The following LRBA variants were observed in gnomAD, a reference collection of about 807,000 sequenced individuals.
The protein encoded by LRBA is lipopolysaccharide-responsive and beige-like anchor protein.
LRBA carries 176 observed loss-of-function variants against 330.0 expected under a neutral mutation model. The observed-to-expected ratio is 0.53, with a 90% CI of 0.47 to 0.60. The LOEUF (loss-of-function observed/expected upper bound fraction) is 0.60. Ranked by LOEUF, LRBA falls within the 20% of genes least tolerant of loss-of-function variation. The probability of loss-of-function intolerance (pLI) is 0.00; values close to 1 mark genes in which losing one functional copy is unlikely to be tolerated. For synonymous variants in LRBA, 1,230 were observed against 1,193.0 expected (o/e 1.03, Z -0.64); for missense variants, 3,259 against 3,444.8 (o/e 0.95, Z 1.35).
intron 17 of LRBA, among the ~76,000 whole-genome samples, chr4:150,885,613 T>C (rs192122545): frequency 1.3e-5 from 2 of 151,780 alleles, no homozygotes; most frequent in Non-Finnish European, 2.9e-5. Flanking sequence ...AGAGGGAGAC[T>C]CTGTCTCAAA....
At chr4:150,929,961 T>C (rs1734290967) in intron 2 of LRBA, among the ~76,000 whole-genome samples, 1 of 152,172 alleles carries the variant, frequency 6.6e-6, no homozygotes, top group South Asian at 2.1e-4. Flanking sequence ...GATTTTTCAT[T>C]ATGCATTTCC....
chr4:150,690,927 CTTTTTTTTTTTTTTTT>C (rs70941427), intron 36 of LRBA, among the ~76,000 whole-genome samples: 4 of 106,328 alleles, frequency 3.8e-5, no homozygotes, highest in Non-Finnish European at 7.9e-5. Flanking sequence ...AACACCTGGT[CTTTTTTTTTTTTTTTT>C]TTTTTAGACA....
chr4:150,788,354 T>C (rs555909702), intron 34 of LRBA, among the ~76,000 whole-genome samples: 1 of 148,538 alleles, frequency 6.7e-6, no homozygotes, highest in African/African-American at 2.5e-5. Context: ...CACCTACTCC[T>C]CCCAAAGTGC....
At chr4:150,669,762 C>T (rs941391672) in intron 37 of LRBA, among the ~76,000 whole-genome samples, 1 of 152,114 alleles carries the variant, frequency 6.6e-6, no homozygotes, top group South Asian at 2.1e-4. Flanking sequence ...TACAGGGTTT[C>T]ACCAAGTTGG....
chr4:150,789,755 A>C lies in LRBA; in HGVS notation c.5580+8326T>G, dbSNP rs531989512. ...ACACTTTTAACCTAGCCTCTCTATA[A>C]TTCCTTAACTTCAGTAGATTGATTA... On this transcript the variant is annotated intron_variant, in intron 34 of 56. Coordinates refer to ENST00000651943, the MANE Select transcript of LRBA (RefSeq NM_001364905.1). 4.6e-5 allele frequency among the ~76,000 whole-genome samples: 7 copies of C among 152,306 alleles called. No homozygotes were observed. The South Asian group carries it at 1.5e-3, about 32-fold the overall frequency.
rs1172203543 is a variant in LRBA, at chr4:150,584,368, G to C, written c.6330+3680C>G. On this transcript the variant is annotated intron_variant, in intron 40 of 56. Coordinates refer to ENST00000651943, the MANE Select transcript of LRBA (RefSeq NM_001364905.1). ...AAGGTCACACAAAAGAAGCAATCGGGCTCCGCCACCACAAAATGAAACCCA... is the reference window on the plus strand; with the variant it reads ...AAGGTCACACAAAAGAAGCAATCGGCCTCCGCCACCACAAAATGAAACCCA... The C allele has an allele frequency of 1.9e-5, 6 of 320,036 alleles. No homozygotes were observed. The Admixed American group carries it at 2.3e-4, about 12-fold the overall frequency. 19.8% of individuals were successfully genotyped at this position (320,036 alleles called of 1,614,324 possible). A position where few individuals can be genotyped will look rare whatever the true frequency, so the allele number is the denominator to read the frequency against.
chr4:150,378,540 A>G (rs1375585491), intron 47 of LRBA, among the ~76,000 whole-genome samples: 1 of 152,238 alleles, frequency 6.6e-6, no homozygotes, highest in Non-Finnish European at 1.5e-5. Context: ...AAGGAAGTCC[A>G]GATACTAAAA....
intron 28 of LRBA, among the ~76,000 whole-genome samples, chr4:150,843,247 T>G (rs944300490): frequency 6.6e-6 from 1 of 151,356 alleles, no homozygotes; most frequent in Non-Finnish European, 1.5e-5. Context: ...ATTCTACATA[T>G]GCATAAAAAC....
intron 37 of LRBA, among the ~76,000 whole-genome samples, chr4:150,663,547 T>C (rs1252855491): frequency 1.3e-5 from 2 of 149,658 alleles, no homozygotes; most frequent in South Asian, 2.1e-4. Flanking sequence ...ACCCCACTTA[T>C]GCTGAAAAAA....
At chr4:150,924,486 T>G (rs1289022865) in intron 4 of LRBA, among the ~76,000 whole-genome samples, 1 of 150,766 alleles carries the variant, frequency 6.6e-6, no homozygotes, top group Non-Finnish European at 1.5e-5. Flanking sequence ...TACTCCAACC[T>G]GGGTAACAGA....
At chr4:150,825,644 T>C (rs960100653) in intron 30 of LRBA, among the ~76,000 whole-genome samples, 1 of 152,114 alleles carries the variant, frequency 6.6e-6, no homozygotes, top group East Asian at 1.9e-4. Flanking sequence ...ACTGGGAAGT[T>C]TGTCTCTCCA....
intron 22 of LRBA, among the ~76,000 whole-genome samples, chr4:150,857,482 A>G (rs1348214511): frequency 6.6e-6 from 1 of 152,182 alleles, no homozygotes; most frequent in Non-Finnish European, 1.5e-5. Flanking sequence ...AAAACAGTCT[A>G]AACAGATGCT....
chr4:150,461,426 G>A (rs1561210756), intron 44 of LRBA, among the ~76,000 whole-genome samples: 2 of 151,566 alleles, frequency 1.3e-5, no homozygotes, highest in East Asian at 1.9e-4. Context: ...GTTATGCTAC[G>A]GTATCCCATT....
At chr4:150,436,955 T>C (rs999052189) in intron 44 of LRBA, 91 bp from the exon 45 acceptor site, 22 of 1,161,992 alleles carry the variant, frequency 1.9e-5, no homozygotes, top group Non-Finnish European at 2.5e-5. Context: ...CTGGTAAGTA[T>C]AAAAGTGAAT....
rs142070809 is a variant in LRBA at position 150,942,143 on chromosome 4, A to G, written c.217-13078T>C. The stretch of plus-strand genomic sequence containing the variant: ...AAATATTTCCTAATTATCAGGTACT[A>G]GAAATCAAATCTGCTGTTTTAGGAC... On this transcript the variant is annotated intron_variant, in intron 2 of 56. Transcript: ENST00000651943. 2.6e-3 allele frequency among the ~76,000 whole-genome samples: 400 copies of G among 152,354 alleles called. 3 individuals carry two copies. Among genetic ancestry groups the G allele is most frequent in the African/African-American group, 9.4e-3 (391 of 41,584 alleles).
intron 37 of LRBA, among the ~76,000 whole-genome samples, chr4:150,602,034 T>C (rs921716132): frequency 1.4e-4 from 7 of 49,246 alleles, no homozygotes; most frequent in African/African-American, 2.1e-4. Context: ...ATGGTCCAAA[T>C]AGAATAAACG....
intron 40 of LRBA, among the ~76,000 whole-genome samples, chr4:150,540,050 G>C (rs912320948): frequency 6.6e-6 from 1 of 152,034 alleles, no homozygotes; most frequent in African/African-American, 2.4e-5. Context: ...TTAAATCATA[G>C]CTAACTTACT....
In LRBA at chr4:150,542,237, G is replaced by C. The variant is rs543563995; in HGVS notation, c.6330+45811C>G. Among the ~76,000 whole-genome samples, 15 of 152,256 alleles carry C rather than the reference G, an allele frequency of 9.9e-5. 1 individual carries two copies. The South Asian group carries it at 3.1e-3, about 32-fold the overall frequency. On this transcript the variant is annotated intron_variant, in intron 40 of 56. Coordinates refer to ENST00000651943, the MANE Select transcript of LRBA (RefSeq NM_001364905.1). ...TGCAGGCAGGCAGTATAACCAATGG[G>C]TAAGAGCATGAATTCTGGAATTGGA... is the stretch of plus-strand genomic sequence containing the variant.
intron 34 of LRBA, among the ~76,000 whole-genome samples, chr4:150,767,937 G>A (rs1291907207): frequency 2.0e-5 from 3 of 150,432 alleles, no homozygotes; most frequent in East Asian, 2.0e-4. Context: ...GGTGGTGCAC[G>A]CCTGTAATCA....
Sources: gnomAD v4.1 joint callset for allele counts (sites outside exome capture counted in the v4.1 genomes callset) on GRCh38, gnomAD v4.1.1 for gene constraint, MANE v1.5 for transcripts, NCBI Gene and HGNC (gene_info 2026-07-23, HGNC 2026-07-21) for gene names.